Variants in EFCAB7 observed in about 807,000 individuals in gnomAD.
The protein encoded by EFCAB7 is EF-hand calcium-binding domain-containing protein 7.
Under a neutral mutation model 77.1 loss-of-function variants are expected in EFCAB7, and 66 were observed. The observed-to-expected ratio is 0.86, with a 90% confidence interval of 0.70 to 1.05. The LOEUF (loss-of-function observed/expected upper bound fraction) is 1.05, where lower values mean the gene tolerates loss of function less well. EFCAB7 is among the 50% of genes least tolerant of loss of function. The pLI is 0.00. For synonymous variants in EFCAB7, 225 were observed against 243.3 expected (o/e 0.92, Z 0.70); for missense variants, 638 against 730.5 (o/e 0.87, Z 1.46).
At chr1:63,536,754 A>G (rs1415471006) in intron 6 of EFCAB7, 1 of 152,190 alleles carries the variant, frequency 6.6e-6, no homozygotes, top group African/African-American at 2.4e-5. Flanking sequence ...ACAAATTCTA[A>G]AAGAACTGTA....
At chr1:63,574,917 A>G (rs1319638907), downstream of EFCAB7, among the ~76,000 whole-genome samples, 1 of 152,202 alleles carries the variant, frequency 6.6e-6, no homozygotes, top group East Asian at 1.9e-4. Flanking sequence ...TATATACTAT[A>G]TTCTCTCTTG....
At chr1:63,560,760 T>C (rs750841885) in intron 10 of EFCAB7, among the ~76,000 whole-genome samples, 1 of 151,842 alleles carries the variant, frequency 6.6e-6, no homozygotes, top group African/African-American at 2.4e-5. Flanking sequence ...GAGCTCAGGC[T>C]ATCCACCTGC....
chr1:63,572,689 T>G lies in EFCAB7; in HGVS notation c.*173T>G, dbSNP rs2100933468. On this transcript the variant is annotated 3_prime_UTR_variant, in exon 14 of 14. Transcript: ENST00000371088. The stretch of plus-strand genomic sequence containing the variant: ...TTTATTATTAAAATATAAATAATGC[T>G]TTCATTGTGTGGTGTTCTTATTTAG... 1 of 993,602 alleles carries G rather than the reference T, an allele frequency of 1.0e-6. No individual in the cohort carries two copies. The highest frequency in any genetic ancestry group is 1.7e-5 in the African/African-American group (1 of 58,344). 61.5% of individuals were successfully genotyped at this position (993,602 alleles called of 1,614,324 possible).
chr1:63,546,484 C>T (rs975194795), intron 7 of EFCAB7, among the ~76,000 whole-genome samples: 16 of 152,014 alleles, frequency 1.1e-4, no homozygotes, highest in African/African-American at 3.9e-4. Context: ...CCTGCCTCAG[C>T]CTCCCCGAGT....
chr1:63,529,302 C>T (rs1646652361), intron 2 of EFCAB7: 1 of 152,212 alleles, frequency 6.6e-6, no homozygotes, highest in African/African-American at 2.4e-5. Flanking sequence ...CTCTGAAAGT[C>T]ACTGGCATAA....
the EFCAB7 span, among the ~76,000 whole-genome samples, chr1:63,581,954 C>T: frequency 4.9e-4 from 74 of 152,240 alleles, no homozygotes; most frequent in South Asian, 1.2e-3. Context: ...CGTAAACAAA[C>T]GTAAATATGC....
At chr1:63,543,368 A>G (rs1402849304) in intron 6 of EFCAB7, among the ~76,000 whole-genome samples, 3 of 152,226 alleles carry the variant, frequency 2.0e-5, no homozygotes, top group African/African-American at 7.2e-5. Context: ...GAAATCAGAA[A>G]GTCTGAGTCC....
In EFCAB7 at chr1:63,525,608, C is replaced by A; in HGVS notation, c.36C>A (p.Ser12=). The change falls in exon 2 of 14, where the codon TCC becomes TCA. Residue 12 remains serine (S), a synonymous_variant. Transcript: ENST00000371088. ...GTCCACGAAGCGATGCAACTTTCTC[C>A]AGTCAGAAATCAACACCTTCAGAGA... ...AISPRSDATF[S]SQKSTPSESP... 1 of 1,573,280 alleles carries A rather than the reference C, an allele frequency of 6.4e-7. No individual in the cohort carries two copies.
chr1:63,562,447 A>ATT (rs1429203820), intron 11 of EFCAB7, among the ~76,000 whole-genome samples: 1 of 11,358 alleles, frequency 8.8e-5, no homozygotes, highest in Non-Finnish European at 1.7e-4. Flanking sequence ...TTCTTAATTT[A>ATT]TTTATATATA....
Position 63,536,082 on chromosome 1 carries a change from G to T in EFCAB7, c.804+1866G>T, listed in dbSNP as rs566521871. 7.9e-5 allele frequency among the ~76,000 whole-genome samples: 12 copies of T among 152,208 alleles called. 1 individual carries two copies. Among genetic ancestry groups the T allele is most frequent in the African/African-American group, 2.9e-4 (12 of 41,532 alleles). On this transcript the variant is annotated intron_variant, in intron 6 of 13. Coordinates refer to ENST00000371088, the MANE Select transcript of EFCAB7 (RefSeq NM_032437.4). Reference sequence around the variant, plus strand: ...TGTATGTAAGTCAAGAGCAGGGAATGGTGTGGATGATAATTGGGAATTAGG... The same window carrying T: ...TGTATGTAAGTCAAGAGCAGGGAATTGTGTGGATGATAATTGGGAATTAGG...
chr1:63,555,218 A>T (rs1162302265), intron 8 of EFCAB7, 140 bp from the exon 9 acceptor site: 2 of 924,748 alleles, frequency 2.2e-6, no homozygotes, highest in Non-Finnish European at 3.1e-6. Context: ...AAAGACTGAT[A>T]GGACTATAAT....
At chr1:63,559,013 C>CTTT (rs1211695877) in intron 10 of EFCAB7, among the ~76,000 whole-genome samples, 2 of 148,060 alleles carry the variant, frequency 1.4e-5, no homozygotes, top group African/African-American at 5.0e-5. Flanking sequence ...CAAATTGTCT[C>CTTT]TTAAAAAGAA....
chr1:63,561,835 A>G lies in EFCAB7; in HGVS notation c.1475A>G (p.Asn492Ser), dbSNP rs771466580. The G allele has an allele frequency of 1.9e-5, 30 of 1,588,450 alleles. No homozygotes were observed. The highest frequency in any genetic ancestry group is 1.1e-4 in the African/African-American group (8 of 74,114). Residue 492 changes from asparagine (N) to serine (S), a missense_variant, in exon 11 of 14, where the codon AAT (asparagine) becomes AGT (serine). Coordinates refer to ENST00000371088, the MANE Select transcript of EFCAB7 (RefSeq NM_032437.4). ...LWVTLHSMGY[N>S]KALELTEACP... ...GTAACTCTACACTCTATGGGCTACA[A>G]TAAAGCTCTGGAGTTGACAGAGGTA... is the stretch of plus-strand genomic sequence containing the variant.
At chr1:63,557,085 G>T in intron 9 of EFCAB7, 29 bp from the exon 10 acceptor site, 2 of 1,474,520 alleles carry the variant, frequency 1.4e-6, no homozygotes, top group Non-Finnish European at 1.8e-6. Context: ...TTAGTGACAA[G>T]AAATAACTAG....
intron 10 of EFCAB7, among the ~76,000 whole-genome samples, chr1:63,559,843 C>T (rs1194434626): frequency 2.0e-5 from 3 of 152,186 alleles, no homozygotes; most frequent in East Asian, 1.9e-4. Flanking sequence ...ATATTTATGT[C>T]GGTCTATTTC....
chr1:63,563,194 T>G (rs969217014), intron 11 of EFCAB7, among the ~76,000 whole-genome samples: 3 of 152,236 alleles, frequency 2.0e-5, no homozygotes, highest in Non-Finnish European at 4.4e-5. Context: ...TGATGTCATT[T>G]ACCTTTGAAA....
At chr1:63,562,865 G>A (rs1164827476) in intron 11 of EFCAB7, among the ~76,000 whole-genome samples, 1 of 151,902 alleles carries the variant, frequency 6.6e-6, no homozygotes, top group Non-Finnish European at 1.5e-5. Flanking sequence ...ATCAACTTAG[G>A]AGGGCAATAC....
rs1570398115 is a variant in EFCAB7 at position 63,540,179 on chromosome 1, A to G, written c.805-5737A>G. On this transcript the variant is annotated intron_variant, in intron 6 of 13. Transcript: ENST00000371088. ...GGAGTTTGAGACCAGCCTGGCCAAC[A>G]TAGTGAAACCCCATCTCTACTAAAA... Among the ~76,000 whole-genome samples the G allele has an allele frequency of 1.3e-5, 2 of 152,128 alleles. 1 individual carries two copies.
intron 2 of EFCAB7, among the ~76,000 whole-genome samples, chr1:63,531,184 T>A (rs964481173): frequency 2.6e-5 from 4 of 152,084 alleles, no homozygotes; most frequent in African/African-American, 9.7e-5. Context: ...AGATAGTACT[T>A]AAGTTCCCCT....
Sources: gnomAD v4.1 joint callset for allele counts (sites outside exome capture counted in the v4.1 genomes callset) on GRCh38, gnomAD v4.1.1 for gene constraint, MANE v1.5 for transcripts, NCBI Gene and HGNC (gene_info 2026-07-23, HGNC 2026-07-21) for gene names.